PDXDC1: variants seen among roughly 807,000 people sequenced by gnomAD.
PDXDC1 encodes pyridoxal dependent decarboxylase domain containing 1.
Under a neutral mutation model 100.1 loss-of-function variants are expected in PDXDC1, and 42 were observed. The ratio of observed to expected loss-of-function variants is 0.42; its 90% confidence interval spans 0.33 to 0.54. The LOEUF is 0.54. Among genes scored for constraint, PDXDC1 ranks in the 20% least tolerant of loss-of-function variants. PDXDC1 has a pLI of 0.10. For synonymous variants in PDXDC1, 260 were observed against 371.7 expected, an observed-to-expected ratio of 0.70 and a Z score of 3.46; for missense variants, 636 against 979.2, an observed-to-expected ratio of 0.65 and a Z score of 4.68.
At chr16:15,041,542 G>T, downstream of PDXDC1, 1 of 922,826 alleles carries the variant, frequency 1.1e-6, no homozygotes, top group Non-Finnish European at 1.8e-6. Flanking sequence ...GTGTGTGCCG[G>T]TGCTTGGGCC....
chr16:15,047,307 A>G, intron 16 of PDXDC1: 1 of 667,952 alleles, frequency 1.5e-6, no homozygotes, highest in Non-Finnish European at 2.7e-6. Context: ...ACGTCGTGCC[A>G]GGTTCTGTTC....
chr16:15,047,770 A>G, intron 16 of PDXDC1: 3 of 1,176,588 alleles, frequency 2.5e-6, no homozygotes, highest in Non-Finnish European at 3.8e-6. Context: ...CCAACAAGAC[A>G]CCAGGAAACT....
intron 1 of PDXDC1, chr16:14,988,292 G>A (rs1969884974): frequency 1.9e-6 from 3 of 1,613,658 alleles, no homozygotes; most frequent in Non-Finnish European, 1.7e-6. Context: ...TCCTGCAGAG[G>A]GGCTTGGCTC....
intron 14 of PDXDC1, among the ~76,000 whole-genome samples, chr16:15,028,135 C>T (rs2042765865): frequency 6.6e-6 from 1 of 152,250 alleles, no homozygotes; most frequent in Admixed American, 6.5e-5. Context: ...CTTCTGCCTT[C>T]CCCCCTTCCA....
intron 1 of PDXDC1, among the ~76,000 whole-genome samples, chr16:14,983,058 C>T (rs1375060145): frequency 2.6e-5 from 4 of 152,202 alleles, no homozygotes; most frequent in Admixed American, 2.6e-4. Context: ...CTCATAACTC[C>T]AAGGTCTTCT....
intron 16 of PDXDC1, chr16:15,125,620 G>C (rs1184281765): frequency 5.1e-6 from 6 of 1,173,724 alleles, no homozygotes; most frequent in Non-Finnish European, 7.7e-6. Flanking sequence ...GGTGCACAGT[G>C]TCTGGAGTCC....
downstream of PDXDC1, among the ~76,000 whole-genome samples, chr16:15,140,447 C>CAAAAAAAAAA (rs888007915): frequency 5.1e-5 from 2 of 39,080 alleles, no homozygotes; most frequent in Admixed American, 2.5e-4. Context: ...AGCTCCATCT[C>CAAAAAAAAAA]AAAAAAAAAA....
At chr16:15,035,426 C>G in intron 21 of PDXDC1, 23 bp from the exon 22 acceptor site, 3 of 1,488,222 alleles carry the variant, frequency 2.0e-6, no homozygotes, top group Non-Finnish European at 1.9e-6. Flanking sequence ...GTAGCTTCTA[C>G]CCAGCCCTCT....
chr16:15,047,563 G>A, intron 16 of PDXDC1: 1 of 1,587,270 alleles, frequency 6.3e-7, no homozygotes, highest in Non-Finnish European at 8.7e-7. Flanking sequence ...GAAGAACAAG[G>A]GTGAAAGGAC....
chr16:15,044,578 G>GT (rs1247921706), intron 16 of PDXDC1: 2 of 609,780 alleles, frequency 3.3e-6, no homozygotes, highest in African/African-American at 3.7e-5. Context: ...GCCAAGGCCA[G>GT]TGGCGAGCTT....
chr16:15,038,074 T>C lies in PDXDC1; in HGVS notation c.*1799T>C. 1 of 1,600,022 alleles carries C rather than the reference T, an allele frequency of 6.2e-7. No homozygotes were observed. The highest frequency in any genetic ancestry group is 8.5e-7 in the Non-Finnish European group (1 of 1,170,352). On this transcript the variant is annotated 3_prime_UTR_variant, in exon 23 of 23. Coordinates refer to ENST00000396410, the MANE Select transcript of PDXDC1 (RefSeq NM_015027.4). ...GATCTTTTCCCACAAGCCATCTTCA[T>C]TTTTTTTGTAGAGTAGGGCTTTATT...
intron 16 of PDXDC1, among the ~76,000 whole-genome samples, chr16:15,109,962 T>G (rs1435588319): frequency 2.1e-5 from 3 of 144,218 alleles, no homozygotes; most frequent in Non-Finnish European, 4.6e-5. Flanking sequence ...GAGACCAGCC[T>G]GGACAACATG....
At chr16:15,090,191 TAAG>T (rs1275813029) in intron 16 of PDXDC1, among the ~76,000 whole-genome samples, 2 of 150,980 alleles carry the variant, frequency 1.3e-5, no homozygotes, top group East Asian at 1.9e-4. Flanking sequence ...GCCTGCGTGG[TAAG>T]AAGGAGACTT....
rs2043362064 is a variant in PDXDC1 at position 15,035,503 on chromosome 16, TCA to T, written c.2059_2060del (p.Thr687AlafsTer21). On this transcript the variant is annotated frameshift_variant, in exon 22 of 23. Coordinates refer to ENST00000396410, the MANE Select transcript of PDXDC1 (RefSeq NM_015027.4). LOFTEE classifies it low-confidence loss of function (END_TRUNC). ...GTCTACAAAGCACAAGGTGCAGGAG[TCA>T]CGCTGCCTCCAACGCCCTCGGGCAG... 1 of 1,612,148 alleles carries T rather than the reference TCA, an allele frequency of 6.2e-7. No homozygotes were observed. Among genetic ancestry groups the T allele is most frequent in the Admixed American group, 1.7e-5 (1 of 59,886 alleles).
At chr16:15,025,219 A>G (rs1192533352) in intron 13 of PDXDC1, 2 of 152,384 alleles carry the variant, frequency 1.3e-5, no homozygotes, top group African/African-American at 4.8e-5. Flanking sequence ...CCTGTATACT[A>G]TTTCTTACAC....
At chr16:15,145,230 C>T in the PDXDC1 span, among the ~76,000 whole-genome samples, 291 of 152,350 alleles carry the variant, frequency 1.9e-3, no homozygotes, top group Non-Finnish European at 3.5e-3. Flanking sequence ...GCGGGCACAG[C>T]AGTGCCCTGG....
rs765771189 is a variant in PDXDC1, at chr16:15,028,932, G to A, written c.1259G>A (p.Arg420Gln). The change falls in exon 15 of 23, where the codon CGG (arginine) becomes CAG (glutamine). Residue 420 changes from arginine (R) to glutamine (Q), a missense_variant. Physicochemically the swap from Arg to Gln is conservative, Grantham distance 43. Transcript: ENST00000396410. ...VPNMTPSGVG[R>Q]ERHSCDALNR... ...AACATGACACCTTCAGGAGTCGGCC[G>A]GGAGAGGCACTCGTGTGACGCGCTG... is the stretch of plus-strand genomic sequence containing the variant. 1.9e-5 allele frequency: 31 copies of A among 1,613,540 alleles called. No homozygotes were observed. The highest frequency in any genetic ancestry group is 5.0e-5 in the Admixed American group (3 of 60,006).
At chr16:15,059,361 T>A (rs1359743502) in intron 16 of PDXDC1, among the ~76,000 whole-genome samples, 1 of 152,160 alleles carries the variant, frequency 6.6e-6, no homozygotes, top group Admixed American at 6.5e-5. Flanking sequence ...ATGGAAGAAA[T>A]AGAAGTTATC....
intron 16 of PDXDC1, chr16:15,110,801 G>A: frequency 1.9e-6 from 3 of 1,582,544 alleles, no homozygotes; most frequent in Non-Finnish European, 2.6e-6. Flanking sequence ...GAGACGGGAA[G>A]ATAGTCTTCA....
Sources: allele counts gnomAD v4.1 joint callset (sites outside exome capture counted in the v4.1 genomes callset), GRCh38; gene constraint gnomAD v4.1.1; transcripts MANE v1.5; gene names NCBI Gene and HGNC (gene_info 2026-07-23, HGNC 2026-07-21).